Variants in KDM4C observed in about 807,000 individuals in gnomAD.
KDM4C encodes the protein lysine-specific demethylase 4C.
In KDM4C, 81 loss-of-function variants were observed where a neutral mutation model predicts 129.3. The ratio of observed to expected loss-of-function variants is 0.63; its 90% CI spans 0.52 to 0.75. The LOEUF (loss-of-function observed/expected upper bound fraction) is 0.75. KDM4C is among the 30% of genes least tolerant of loss of function. KDM4C has a pLI of 0.00. For missense variants in KDM4C, 1,457 were observed against 1,304.0 expected (o/e 1.12, Z -1.81); for synonymous variants, 573 against 456.1 (o/e 1.26, Z -3.26).
intron 17 of KDM4C, chr9:7,076,920 AG>A (rs761737561): frequency 1.4e-4 from 140 of 986,582 alleles, no homozygotes; most frequent in Non-Finnish European, 1.6e-4. Flanking sequence ...GCATTATAAT[AG>A]GAGTCTCAGA....
Position 6,758,500 on chromosome 9 carries a change from G to T in KDM4C, c.-18+297G>T, listed in dbSNP as rs905847523. ...TCCGGAGTCGGGGTCGCCTCCTTGGGGCAGAGGAGCGCTCGGGCGGTCCTG... is the reference window on the plus strand; with the variant it reads ...TCCGGAGTCGGGGTCGCCTCCTTGGTGCAGAGGAGCGCTCGGGCGGTCCTG... On this transcript the variant is annotated intron_variant, in intron 1 of 21. Coordinates refer to ENST00000381309, the MANE Select transcript of KDM4C (RefSeq NM_015061.6). The surrounding 1 kb of genome is among the most constrained non-coding windows in gnomAD (Gnocchi z 4.6). Among the ~76,000 whole-genome samples the T allele has an allele frequency of 6.6e-6, 1 of 152,212 alleles. No individual in the cohort carries two copies. The highest frequency in any genetic ancestry group is 6.5e-5 in the Admixed American group (1 of 15,292).
intron 2 of KDM4C, among the ~76,000 whole-genome samples, chr9:6,802,633 A>T (rs943218739): frequency 6.6e-6 from 1 of 152,120 alleles, no homozygotes; most frequent in Non-Finnish European, 1.5e-5. Flanking sequence ...TTATTTATTT[A>T]TTTATTTATT....
In KDM4C at chr9:7,174,858, C is replaced by A. The variant is rs987283445; in HGVS notation, c.*129C>A. On this transcript the variant is annotated 3_prime_UTR_variant, in exon 22 of 22. Transcript: ENST00000381309. Reference sequence around the variant, plus strand: ...GGGTGTGTCTCTGACAGTGGTAAATCGGGTTTCCAGAGTTTGGTCACCAAA... The same window carrying A: ...GGGTGTGTCTCTGACAGTGGTAAATAGGGTTTCCAGAGTTTGGTCACCAAA... The A allele has an allele frequency of 2.7e-6, 2 of 740,926 alleles. No individual in the cohort carries two copies. The highest frequency in any genetic ancestry group is 5.0e-5 in the East Asian group (2 of 40,354). The allele number at this position is 740,926 out of a possible 1,614,324, so 45.9% of individuals were successfully genotyped here.
At chr9:6,980,864 A>G (rs936524612) in intron 8 of KDM4C, 61 bp from the exon 9 acceptor site, 11 of 1,436,204 alleles carry the variant, frequency 7.7e-6, no homozygotes, top group Non-Finnish European at 9.7e-6. Context: ...TCAAGGACCA[A>G]CTCTGTGTTA....
intron 5 of KDM4C, among the ~76,000 whole-genome samples, chr9:6,877,210 A>AT (rs1464743134): frequency 5.9e-5 from 9 of 151,946 alleles, no homozygotes; most frequent in Non-Finnish European, 8.8e-5. Context: ...GCTAAGCAAG[A>AT]TTTTTTTTGA....
intron 19 of KDM4C, among the ~76,000 whole-genome samples, chr9:7,154,230 G>C (rs1045904656): frequency 6.6e-6 from 1 of 152,220 alleles, no homozygotes; most frequent in Non-Finnish European, 1.5e-5. Flanking sequence ...TGTCAGTCTT[G>C]TTAATCCCTG....
chr9:7,105,440 T>C (rs1290755037), intron 18 of KDM4C: 3 of 470,846 alleles, frequency 6.4e-6, no homozygotes, highest in Admixed American at 4.7e-5. Context: ...ATGAAAGTTG[T>C]ATTGCTACTA....
At chr9:7,068,287 C>A (rs767235299) in intron 17 of KDM4C, among the ~76,000 whole-genome samples, 1 of 152,140 alleles carries the variant, frequency 6.6e-6, no homozygotes, top group East Asian at 1.9e-4. Flanking sequence ...TTTGGTCTTA[C>A]TATAAACCCA....
intron 15 of KDM4C, among the ~76,000 whole-genome samples, chr9:7,022,629 C>CTTTA (rs1178943659): frequency 1.6e-3 from 159 of 97,064 alleles, no homozygotes; most frequent in Admixed American, 2.3e-3. Flanking sequence ...TTTGCAAACC[C>CTTTA]TTTATTTCTT....
Position 6,893,095 on chromosome 9 carries a change from A to T in KDM4C, c.784A>T (p.Ile262Leu). The T allele has an allele frequency of 6.5e-7, 1 of 1,536,396 alleles. No individual in the cohort carries two copies. The highest frequency in any genetic ancestry group is 8.8e-7 in the Non-Finnish European group (1 of 1,141,974). Reference protein sequence around the residue: ...LKKYGIPFDKITQEAGEFMIT... With the variant: ...LKKYGIPFDKLTQEAGEFMIT... ...ATATTATATGTTTCCTACCTTGCAGATAACCCAGGAGGCTGGAGAATTCAT... is the reference window on the plus strand; with the variant it reads ...ATATTATATGTTTCCTACCTTGCAGTTAACCCAGGAGGCTGGAGAATTCAT... The change falls in exon 8 of 22, where the codon ATA becomes TTA. Residue 262 changes from isoleucine (I) to leucine (L), a missense_variant and splice_region_variant. By Grantham distance (5) the Ile-to-Leu change is conservative. Transcript: ENST00000381309.
intron 8 of KDM4C, among the ~76,000 whole-genome samples, chr9:6,970,042 G>T (rs1371369804): frequency 6.6e-6 from 1 of 152,180 alleles, no homozygotes; most frequent in Non-Finnish European, 1.5e-5. Context: ...GTTGCCATTG[G>T]GGTGGAATGT....
At chr9:6,968,706 C>T (rs1351886504) in intron 8 of KDM4C, among the ~76,000 whole-genome samples, 2 of 152,064 alleles carry the variant, frequency 1.3e-5, no homozygotes, top group African/African-American at 4.8e-5. Context: ...AGTTACTTAA[C>T]ATTATCTTTG....
intron 8 of KDM4C, among the ~76,000 whole-genome samples, chr9:6,963,046 C>T (rs1312273344): frequency 2.0e-5 from 3 of 152,120 alleles, no homozygotes; most frequent in Non-Finnish European, 2.9e-5. Flanking sequence ...ATCTTGTGTC[C>T]ACCATGAACT....
chr9:7,096,964 C>G (rs538449688), intron 17 of KDM4C, among the ~76,000 whole-genome samples: 2 of 152,320 alleles, frequency 1.3e-5, no homozygotes, highest in Admixed American at 1.3e-4. Context: ...CAGGATCCCA[C>G]CTTTTCAGCC....
intron 17 of KDM4C, among the ~76,000 whole-genome samples, chr9:7,057,856 G>A (rs1202357423): frequency 6.6e-6 from 1 of 152,206 alleles, no homozygotes; most frequent in African/African-American, 2.4e-5. Context: ...ATAGGTTGAT[G>A]TTCTCTAAAA....
intron 6 of KDM4C, 136 bp downstream of exon 6, chr9:6,880,197 A>ATT (rs1301221306): frequency 4.4e-5 from 20 of 455,092 alleles, no homozygotes; most frequent in African/African-American, 3.7e-4. Context: ...ATTGACTTTT[A>ATT]CATGTTTTTT....
At chr9:6,969,352 A>C (rs1332146718) in intron 8 of KDM4C, among the ~76,000 whole-genome samples, 1 of 152,214 alleles carries the variant, frequency 6.6e-6, no homozygotes, top group Non-Finnish European at 1.5e-5. Flanking sequence ...ATTGACATTT[A>C]AAATCTTGGC....
In KDM4C at chr9:6,809,562, A is replaced by G. The variant is rs577341632; in HGVS notation, c.320+3788A>G. On this transcript the variant is annotated intron_variant, in intron 3 of 21. Transcript: ENST00000381309. ...TGCCATAGGAAAGGTACAAAGTGCT[A>G]TGAGGTTTCAAAGGAATACAAGGCT... 3.3e-5 allele frequency among the ~76,000 whole-genome samples: 5 copies of G among 152,350 alleles called. No homozygotes were observed. The South Asian group carries it at 6.2e-4, about 19-fold the overall frequency.
intron 17 of KDM4C, among the ~76,000 whole-genome samples, chr9:7,097,869 A>G (rs1049953038): frequency 6.6e-6 from 1 of 152,256 alleles, no homozygotes; most frequent in Non-Finnish European, 1.5e-5. Context: ...ATATTTAGTA[A>G]GTATTGAAAT....
Sources: allele counts gnomAD v4.1 joint callset (sites outside exome capture counted in the v4.1 genomes callset), GRCh38; gene constraint gnomAD v4.1.1; non-coding constraint Gnocchi (gnomAD v3.1); transcripts MANE v1.5; gene names NCBI Gene and HGNC (gene_info 2026-07-23, HGNC 2026-07-21).